SLC30A9: variants seen among roughly 807,000 people sequenced by gnomAD.
SLC30A9 encodes proton-coupled zinc antiporter SLC30A9, mitochondrial.
In SLC30A9, 58 loss-of-function variants were observed where a neutral mutation model predicts 87.5. The ratio of observed to expected loss-of-function variants is 0.66; its 90% confidence interval spans 0.54 to 0.82. The LOEUF is 0.82. Among genes scored for constraint, SLC30A9 ranks in the 40% least tolerant of loss-of-function variants. SLC30A9 has a pLI of 0.00. For synonymous variants in SLC30A9, 234 were observed against 233.0 expected, an observed-to-expected ratio of 1.00 and a Z score of -0.04; for missense variants, 557 against 679.1, an observed-to-expected ratio of 0.82 and a Z score of 2.00.
Position 42,070,510 on chromosome 4 carries a change from T to A in SLC30A9, c.1253-16T>A. On this transcript the variant is annotated splice_polypyrimidine_tract_variant and intron_variant, in intron 14 of 17. Coordinates refer to ENST00000264451, the MANE Select transcript of SLC30A9 (RefSeq NM_006345.4). Reference sequence around the variant, plus strand: ...TAAACTGTTAATTTACTGATTTTTTTATGTGCTTCATTTAGGCAATCCACT... The same window carrying A: ...TAAACTGTTAATTTACTGATTTTTTAATGTGCTTCATTTAGGCAATCCACT... 2 of 1,598,770 alleles carry A rather than the reference T, an allele frequency of 1.3e-6. No homozygotes were observed. The highest frequency in any genetic ancestry group is 1.7e-6 in the Non-Finnish European group (2 of 1,170,598).
chr4:41,994,687 A>C (rs894908055), intron 1 of SLC30A9, among the ~76,000 whole-genome samples: 1 of 151,816 alleles, frequency 6.6e-6, no homozygotes, highest in Non-Finnish European at 1.5e-5. Flanking sequence ...CAGTTACAAA[A>C]GACCAGTCTG....
At chr4:42,052,772 T>C (rs573873200) in intron 9 of SLC30A9, among the ~76,000 whole-genome samples, 2 of 152,332 alleles carry the variant, frequency 1.3e-5, no homozygotes, top group South Asian at 4.1e-4. Flanking sequence ...GTTAAAACTA[T>C]GAAGATTCTA....
chr4:42,008,292 G>A (rs1715300124), intron 2 of SLC30A9, among the ~76,000 whole-genome samples: 1 of 152,148 alleles, frequency 6.6e-6, no homozygotes, highest in South Asian at 2.1e-4. Context: ...ACCTAAAGTA[G>A]CCACCCAGTA....
intron 8 of SLC30A9, among the ~76,000 whole-genome samples, chr4:42,042,724 G>T (rs2153137773): frequency 6.6e-6 from 1 of 152,310 alleles, no homozygotes; most frequent in Non-Finnish European, 1.5e-5. Flanking sequence ...CTCGAGGTCT[G>T]CTAAGGGACA....
chr4:41,997,491 A>G (rs1196117368), intron 1 of SLC30A9, among the ~76,000 whole-genome samples: 1 of 152,124 alleles, frequency 6.6e-6, no homozygotes, highest in Non-Finnish European at 1.5e-5. Flanking sequence ...TATAAGGTAT[A>G]AAGTAAAAAC....
chr4:42,012,457 A>G (rs1715487003), intron 2 of SLC30A9, among the ~76,000 whole-genome samples: 2 of 151,560 alleles, frequency 1.3e-5, no homozygotes, highest in South Asian at 2.1e-4. Context: ...ATTTTAAAAA[A>G]AGCTTATTTT....
At chr4:42,063,278 T>C (rs921725448) in intron 11 of SLC30A9, among the ~76,000 whole-genome samples, 157 bp downstream of exon 11, 2 of 152,222 alleles carry the variant, frequency 1.3e-5, no homozygotes, top group Admixed American at 6.5e-5. Flanking sequence ...TTTTAGAACG[T>C]GACTGGACAT....
intron 2 of SLC30A9, among the ~76,000 whole-genome samples, chr4:42,008,675 A>G (rs1461858830): frequency 6.6e-6 from 1 of 152,212 alleles, no homozygotes; most frequent in Non-Finnish European, 1.5e-5. Flanking sequence ...GTGGCTGGAG[A>G]AAATCCAGAC....
At chr4:42,020,304 A>G in intron 3 of SLC30A9, 112 bp from the exon 4 acceptor site, 1 of 553,594 alleles carries the variant, frequency 1.8e-6, no homozygotes, top group Non-Finnish European at 3.2e-6. Flanking sequence ...AGTGAAAAAG[A>G]TCAGTTTTCT....
intron 2 of SLC30A9, among the ~76,000 whole-genome samples, chr4:42,013,285 A>AAAT (rs1272917652): frequency 6.6e-6 from 1 of 152,122 alleles, no homozygotes; most frequent in African/African-American, 2.4e-5. Flanking sequence ...ACTCCTAAAA[A>AAAT]AATAATAATA....
At chr4:42,049,555 T>G in intron 9 of SLC30A9, 76 bp downstream of exon 9, 2 of 765,024 alleles carry the variant, frequency 2.6e-6, no homozygotes, top group Non-Finnish European at 4.1e-6. Context: ...TTGATCTATT[T>G]TAAAACTGAA....
At chr4:42,057,566 A>G (rs1050476079) in intron 9 of SLC30A9, among the ~76,000 whole-genome samples, 2 of 152,180 alleles carry the variant, frequency 1.3e-5, no homozygotes, top group Admixed American at 1.3e-4. Flanking sequence ...CCCTAGGCCC[A>G]GCCCACAAAA....
rs996189765 is a variant in SLC30A9 at position 42,048,244 on chromosome 4, C to T, written c.738-1133C>T. On this transcript the variant is annotated intron_variant, in intron 8 of 17. Coordinates refer to ENST00000264451, the MANE Select transcript of SLC30A9 (RefSeq NM_006345.4). ...ATTATAAATTTAAAAAATAAATAAACATTGTTTAAAAAAAGAAGAAAATAG... is the reference window on the plus strand; with the variant it reads ...ATTATAAATTTAAAAAATAAATAAATATTGTTTAAAAAAAGAAGAAAATAG... 3.9e-5 allele frequency among the ~76,000 whole-genome samples: 6 copies of T among 151,932 alleles called. No individual in the cohort carries two copies. In the East Asian group the frequency reaches 1.2e-3, roughly 29 times the overall value.
chr4:42,065,809 T>A (rs149614009), intron 12 of SLC30A9, among the ~76,000 whole-genome samples: 89 of 152,374 alleles, frequency 5.8e-4, no homozygotes, highest in African/African-American at 2.1e-3. Flanking sequence ...CGCTGTTACT[T>A]GCCGATTCAC....
At position 42,075,847 on chromosome 4, in the gene SLC30A9, CAA is replaced by C. The variant is rs1331660718; in HGVS notation, c.1548+64_1548+65del. ...GTTAGAAAAATGCTTTTAAGGTAAA[CAA>C]AATGAAATTTTTTTTTATAGATCTT... On this transcript the variant is annotated intron_variant, in intron 16 of 17. Coordinates refer to ENST00000264451, the MANE Select transcript of SLC30A9 (RefSeq NM_006345.4). 2.9e-5 allele frequency: 44 copies of C among 1,524,482 alleles called. No homozygotes were observed. In the East Asian group the frequency reaches 5.5e-4, roughly 19 times the overall value. 94.4% of individuals were successfully genotyped at this position (1,524,482 alleles called of 1,614,324 possible).
Position 42,074,163 on chromosome 4 carries a change from C to A in SLC30A9, c.1419-1494C>A, listed in dbSNP as rs149747958. Among the ~76,000 whole-genome samples the A allele has an allele frequency of 4.8e-3, 732 of 151,526 alleles. 4 individuals are homozygous for A. Among genetic ancestry groups the A allele is most frequent in the Non-Finnish European group, 6.9e-3 (466 of 67,904 alleles). On this transcript the variant is annotated intron_variant, in intron 15 of 17. Transcript: ENST00000264451. ...TGAAAAAGTTTTGTTTTAACTTGAGCACATGTAACTATAAATATTAAAACA... is the reference window on the plus strand; with the variant it reads ...TGAAAAAGTTTTGTTTTAACTTGAGAACATGTAACTATAAATATTAAAACA...
intron 1 of SLC30A9, among the ~76,000 whole-genome samples, chr4:41,994,851 A>G (rs546285355): frequency 4.9e-5 from 7 of 142,602 alleles, no homozygotes; most frequent in African/African-American, 1.3e-4. Flanking sequence ...AAAAAAGACC[A>G]TTTAGACTGT....
chr4:42,050,062 T>C (rs1378536723), intron 9 of SLC30A9, among the ~76,000 whole-genome samples: 1 of 152,140 alleles, frequency 6.6e-6, no homozygotes, highest in Non-Finnish European at 1.5e-5. Flanking sequence ...AGTCCTGTTA[T>C]GTAAAAACTG....
At chr4:42,018,257 A>T in intron 3 of SLC30A9, 87 bp downstream of exon 3, 2 of 796,746 alleles carry the variant, frequency 2.5e-6, no homozygotes, top group South Asian at 3.4e-5. Context: ...CTTTATAGTT[A>T]TATTATTCTA....
Sources: gnomAD v4.1 joint callset for allele counts (sites outside exome capture counted in the v4.1 genomes callset) on GRCh38, gnomAD v4.1.1 for gene constraint, MANE v1.5 for transcripts, NCBI Gene and HGNC (gene_info 2026-07-23, HGNC 2026-07-21) for gene names.